SIMC1: variants seen among roughly 807,000 people sequenced by gnomAD.
The protein encoded by SIMC1 is SUMO-interacting motif-containing protein 1.
Under a neutral mutation model 82.3 loss-of-function variants are expected in SIMC1, and 55 were observed. The observed-to-expected ratio is 0.67, with a 90% CI of 0.54 to 0.84. The LOEUF is 0.84. Ranked by LOEUF, SIMC1 falls within the 40% of genes least tolerant of loss-of-function variation. The probability of loss-of-function intolerance (pLI) is 0.00; values close to 1 mark genes in which losing one functional copy is unlikely to be tolerated. For missense variants in SIMC1, 915 were observed against 1,107.2 expected (o/e 0.83, Z 2.46); for synonymous variants, 353 against 426.3 (o/e 0.83, Z 2.12).
Position 176,308,695 on chromosome 5 carries a change from G to A in SIMC1, c.1735-4996G>A, listed in dbSNP as rs1395006886. ...CAGAAGGAAGAGGAAAGGTATGAGAGAATCGAAATCCCAATCCATATTGTA... is the reference window on the plus strand; with the variant it reads ...CAGAAGGAAGAGGAAAGGTATGAGAAAATCGAAATCCCAATCCATATTGTA... On this transcript the variant is annotated intron_variant, in intron 4 of 9. Transcript: ENST00000429602. 2.0e-6 allele frequency: 3 copies of A among 1,521,994 alleles called. No individual in the cohort carries two copies. In the East Asian group the frequency reaches 6.8e-5, roughly 34 times the overall value. The allele number at this position is 1,521,994 out of a possible 1,614,324, so 94.3% of individuals were successfully genotyped here. A position where few individuals can be genotyped will look rare whatever the true frequency, so the allele number is the denominator to read the frequency against.
At chr5:176,316,020 C>T (rs1383201853) in intron 5 of SIMC1, among the ~76,000 whole-genome samples, 2 of 151,496 alleles carry the variant, frequency 1.3e-5, no homozygotes, top group Non-Finnish European at 2.9e-5. Context: ...ACTAAAAATA[C>T]AAAAATTAGC....
chr5:176,338,218 C>T (rs1765988452), intron 9 of SIMC1, among the ~76,000 whole-genome samples: 1 of 152,016 alleles, frequency 6.6e-6, no homozygotes, highest in African/African-American at 2.4e-5. Context: ...TTTTAAAGTG[C>T]CAGTGTTTTA....
At chr5:176,250,366 G>A (rs1281610976) in intron 1 of SIMC1, among the ~76,000 whole-genome samples, 3 of 152,158 alleles carry the variant, frequency 2.0e-5, no homozygotes, top group African/African-American at 7.2e-5. Context: ...TTACTGAGGA[G>A]TGTTTTACTT....
chr5:176,300,633 T>G (rs1054758536), intron 4 of SIMC1, among the ~76,000 whole-genome samples: 3 of 151,954 alleles, frequency 2.0e-5, no homozygotes, highest in Non-Finnish European at 2.9e-5. Flanking sequence ...CAGAGTTGGG[T>G]TTTTGAAAAG....
At chr5:176,305,872 T>A (rs867914525) in intron 4 of SIMC1, among the ~76,000 whole-genome samples, 1 of 23,354 alleles carries the variant, frequency 4.3e-5, no homozygotes, top group Non-Finnish European at 9.3e-5. Context: ...TCAGCCCCCC[T>A]GCCCGGCCAG....
Position 176,279,390 on chromosome 5 carries a change from G to A in SIMC1, c.130-10264G>A, listed in dbSNP as rs540427433. On this transcript the variant is annotated intron_variant, in intron 1 of 9. Transcript: ENST00000429602. ...TTTTTCTTTATTAGTCTTGCTAGCG[G>A]TCTATCAATTTTGTTGATCGTTTCA... 2.0e-5 allele frequency among the ~76,000 whole-genome samples: 3 copies of A among 152,132 alleles called. No individual in the cohort carries two copies. In the South Asian group the frequency reaches 6.2e-4, roughly 32 times the overall value.
intron 1 of SIMC1, among the ~76,000 whole-genome samples, chr5:176,271,985 CAT>C (rs1053842431): frequency 1.3e-4 from 19 of 141,612 alleles, no homozygotes; most frequent in South Asian, 2.2e-4. Flanking sequence ...TTATATATAA[CAT>C]AATATATATA....
chr5:176,309,296 T>C (rs1448759125), intron 4 of SIMC1, among the ~76,000 whole-genome samples: 1 of 152,226 alleles, frequency 6.6e-6, no homozygotes, highest in East Asian at 1.9e-4. Context: ...TGACAAATTA[T>C]GCTGGAGCAA....
chr5:176,291,680 G>T (rs1327241587), intron 2 of SIMC1, among the ~76,000 whole-genome samples: 3 of 152,002 alleles, frequency 2.0e-5, no homozygotes, highest in African/African-American at 7.2e-5. Flanking sequence ...GGGTTTCATT[G>T]TGTTAGCCAG....
intron 1 of SIMC1, among the ~76,000 whole-genome samples, chr5:176,259,556 T>G (rs576076170): frequency 1.3e-5 from 2 of 152,350 alleles, no homozygotes; most frequent in East Asian, 3.9e-4. Flanking sequence ...GTGGATCACT[T>G]GAGGTCAGGA....
intron 1 of SIMC1, among the ~76,000 whole-genome samples, chr5:176,281,693 C>G (rs1192049688): frequency 6.6e-6 from 1 of 152,216 alleles, no homozygotes; most frequent in Non-Finnish European, 1.5e-5. Context: ...TAGAGGTCCA[C>G]TCCAGACCCT....
At chr5:176,287,435 C>G (rs1378208934) in intron 1 of SIMC1, among the ~76,000 whole-genome samples, 1 of 152,058 alleles carries the variant, frequency 6.6e-6, no homozygotes, top group African/African-American at 2.4e-5. Context: ...ACAATGAGAA[C>G]ACTTGGACAC....
chr5:176,308,210 T>C, intron 4 of SIMC1: 1 of 1,514,638 alleles, frequency 6.6e-7, no homozygotes, highest in South Asian at 1.2e-5. Context: ...AAGGAGTGAC[T>C]CCAAATTTGC....
rs1766408721 is a variant in SIMC1, at chr5:176,345,345, A to G, written c.2576A>G (p.Gln859Arg). 1 of 1,613,834 alleles carries G rather than the reference A, an allele frequency of 6.2e-7. No individual in the cohort carries two copies. Among genetic ancestry groups the G allele is most frequent in the Admixed American group, 1.7e-5 (1 of 59,994 alleles). ...ATGCTGGGGGAGCCTCTTGTCCCCC[A>G]ACTCCAAGACAAAGTGCACTTGTTG... is the stretch of plus-strand genomic sequence containing the variant. ...IQMLGEPLVPQLQDKVHLLKL... is the reference protein window; with the variant it reads ...IQMLGEPLVPRLQDKVHLLKL... Residue 859 changes from glutamine to arginine, a missense_variant, in exon 10 of 10, where the codon CAA becomes CGA. Transcript: ENST00000429602.
At position 176,304,760 on chromosome 5, in the gene SIMC1, G is replaced by T. The variant is rs1039551504; in HGVS notation, c.1734+8440G>T. 1.6e-3 allele frequency among the ~76,000 whole-genome samples: 244 copies of T among 151,448 alleles called. 3 individuals carry two copies. The highest frequency in any genetic ancestry group is 9.9e-4 in the Non-Finnish European group (67 of 67,802). ...AAGTGAGGAGCGCCTCTTCCCAGCCGCCATCCATCTAGGAAGTGAGGAGCG... is the reference window on the plus strand; with the variant it reads ...AAGTGAGGAGCGCCTCTTCCCAGCCTCCATCCATCTAGGAAGTGAGGAGCG... On this transcript the variant is annotated intron_variant, in intron 4 of 9. Coordinates refer to ENST00000429602, the MANE Select transcript of SIMC1 (RefSeq NM_001308195.2).
intron 7 of SIMC1, among the ~76,000 whole-genome samples, chr5:176,333,070 A>G (rs1334953490): frequency 2.0e-5 from 3 of 152,186 alleles, no homozygotes; most frequent in African/African-American, 2.4e-5. Context: ...TTGGGAGGCC[A>G]AGGTGGGCAG....
At chr5:176,277,387 A>G (rs1159546870) in intron 1 of SIMC1, among the ~76,000 whole-genome samples, 1 of 151,574 alleles carries the variant, frequency 6.6e-6, no homozygotes, top group Non-Finnish European at 1.5e-5. Flanking sequence ...ATTTTCTCCC[A>G]TTTTGTAGGT....
intron 1 of SIMC1, among the ~76,000 whole-genome samples, chr5:176,284,734 C>G (rs1428333109): frequency 2.6e-5 from 4 of 152,046 alleles, no homozygotes; most frequent in Non-Finnish European, 5.9e-5. Context: ...ATCAATGAAT[C>G]TAGGAGCTGG....
chr5:176,266,280 G>A (rs1161522753), intron 1 of SIMC1, among the ~76,000 whole-genome samples: 1 of 152,130 alleles, frequency 6.6e-6, no homozygotes, highest in African/African-American at 2.4e-5. Context: ...AGGGGACAGA[G>A]GTCAAGGCTG....
Sources: allele counts gnomAD v4.1 joint callset (sites outside exome capture counted in the v4.1 genomes callset), GRCh38; gene constraint gnomAD v4.1.1; transcripts MANE v1.5; gene names NCBI Gene and HGNC (gene_info 2026-07-23, HGNC 2026-07-21).